Variants in ZNF536 observed in about 807,000 individuals in gnomAD.
ZNF536 encodes the protein zinc finger protein 536.
ZNF536 carries 13 observed loss-of-function variants against 84.5 expected under a neutral mutation model. That is an observed-to-expected ratio of 0.15 (90% CI 0.10 to 0.24). The LOEUF is 0.24. Among genes scored for constraint, ZNF536 ranks in the 10% least tolerant of loss-of-function variants. ZNF536 has a pLI of 1.00. For synonymous variants in ZNF536, 811 were observed against 742.5 expected (o/e 1.09, Z -1.50); for missense variants, 1,536 against 1,747.5 (o/e 0.88, Z 2.16).
At chr19:30,383,915 TTTCCCTTCCCTTCCC>T (rs1322639290) in intron 1 of ZNF536, among the ~76,000 whole-genome samples, 1 of 33,340 alleles carries the variant, frequency 3.0e-5, no homozygotes, top group South Asian at 2.2e-3. Flanking sequence ...CCTTTCTTCC[TTTCCCTTCCCTTCCC>T]TTCCCTTCCC....
At chr19:30,328,383 G>A (rs2047104733) in intron 2 of ZNF536, among the ~76,000 whole-genome samples, 1 of 152,170 alleles carries the variant, frequency 6.6e-6, no homozygotes. Context: ...CAAAAGCTCT[G>A]CAGCCCCTGA....
At position 30,608,467 on chromosome 19, in the gene ZNF536, G is replaced by A. The variant is rs190884288; in HGVS notation, c.169+58953G>A. Among the ~76,000 whole-genome samples, 6 of 152,232 alleles carry A rather than the reference G, an allele frequency of 3.9e-5. No homozygotes were observed. The East Asian group carries it at 9.7e-4, about 25-fold the overall frequency. On this transcript the variant is annotated intron_variant, in intron 1 of 1. Coordinates refer to the ZNF536 transcript ENST00000592773. ...ACCAAAATGAGAGCTTTCTGGACACGAATCCACCAGAACTTTAGCCTGGAC... is the reference window on the plus strand; with the variant it reads ...ACCAAAATGAGAGCTTTCTGGACACAAATCCACCAGAACTTTAGCCTGGAC...
At chr19:30,312,321 C>T (rs1327578131) in intron 2 of ZNF536, among the ~76,000 whole-genome samples, 8 of 151,996 alleles carry the variant, frequency 5.3e-5, no homozygotes, top group South Asian at 2.1e-4. Context: ...AAGAGGGGGA[C>T]GCGCCACAAC....
intron 1 of ZNF536, among the ~76,000 whole-genome samples, chr19:30,600,068 G>C (rs1350247246): frequency 6.6e-6 from 1 of 150,578 alleles, no homozygotes; most frequent in African/African-American, 2.4e-5. Context: ...TGTTGTTGTT[G>C]TTTTTTGTTT....
At chr19:30,271,294 CTTTTCTTTTT>C (rs1373151856) in intron 1 of ZNF536, among the ~76,000 whole-genome samples, 7 of 103,186 alleles carry the variant, frequency 6.8e-5, no homozygotes, top group South Asian at 6.5e-4. Flanking sequence ...GTGTTTTTTT[CTTTTCTTTTT>C]TTTTTTTTTT....
intron 1 of ZNF536, among the ~76,000 whole-genome samples, chr19:30,427,136 T>C (rs2051250232): frequency 6.6e-6 from 1 of 152,188 alleles, no homozygotes; most frequent in Non-Finnish European, 1.5e-5. Flanking sequence ...TGTTTACCTA[T>C]CTGTAAAATG....
chr19:30,367,715 G>T (rs779240382), upstream of ZNF536, among the ~76,000 whole-genome samples: 1 of 152,212 alleles, frequency 6.6e-6, no homozygotes, highest in Non-Finnish European at 1.5e-5. Flanking sequence ...GCAGCGCAGT[G>T]AGACATGAGA....
Position 30,437,356 on chromosome 19 carries a change from C to CA in ZNF536, c.-2-6201dup, listed in dbSNP as rs1166337376. 2.0e-5 allele frequency among the ~76,000 whole-genome samples: 3 copies of CA among 152,230 alleles called. No individual in the cohort carries two copies. In the East Asian group the frequency reaches 5.8e-4, roughly 29 times the overall value. On this transcript the variant is annotated intron_variant, in intron 1 of 4. Transcript: ENST00000355537. ...GGAAATAGTCTTGAAGGCAGAAATG[C>CA]AAAATCAAAATAACCATTAGCACCA...
At chr19:30,618,269 T>G (rs1291477639) in intron 1 of ZNF536, among the ~76,000 whole-genome samples, 1 of 152,210 alleles carries the variant, frequency 6.6e-6, no homozygotes, top group Non-Finnish European at 1.5e-5. Context: ...ACACCTGCCT[T>G]AAATTTAAAC....
intron 1 of ZNF536, among the ~76,000 whole-genome samples, chr19:30,587,328 C>G (rs755866264): frequency 1.3e-5 from 2 of 152,194 alleles, no homozygotes; most frequent in African/African-American, 2.4e-5. Context: ...GATCTATTCT[C>G]AGAAGGGTTT....
chr19:30,387,930 G>A (rs1439313490), intron 1 of ZNF536, among the ~76,000 whole-genome samples: 2 of 152,194 alleles, frequency 1.3e-5, no homozygotes, highest in Admixed American at 6.5e-5. Flanking sequence ...GGGCCCTGGA[G>A]GGGGCTGTGT....
chr19:30,570,451 G>A (rs2146540660), intron 1 of ZNF536, among the ~76,000 whole-genome samples: 1 of 152,286 alleles, frequency 6.6e-6, no homozygotes, highest in South Asian at 2.1e-4. Flanking sequence ...GTGATAGCAA[G>A]CCCACGTTGT....
chr19:30,375,613 G>A (rs145395548), intron 1 of ZNF536, among the ~76,000 whole-genome samples: 2,693 of 152,338 alleles, frequency 0.018, 36 homozygotes, highest in South Asian at 0.036. Context: ...CTGTGTGGGG[G>A]TAGGGGCAGG....
At chr19:30,595,999 C>T (rs2146858639) in intron 1 of ZNF536, among the ~76,000 whole-genome samples, 1 of 152,274 alleles carries the variant, frequency 6.6e-6, no homozygotes, top group Admixed American at 6.5e-5. Context: ...ATGGACCCCT[C>T]ACTTTAAGGC....
At position 30,585,333 on chromosome 19, in the gene ZNF536, C is replaced by A. The variant is rs144713885; in HGVS notation, c.169+35819C>A. On this transcript the variant is annotated intron_variant, in intron 1 of 1. Transcript: ENST00000592773. ...TTCTAGGTCCTGGCACAGTGCCTGG[C>A]ACAGAGTAGATTCTCAAAATATTGT... 5.9e-5 allele frequency among the ~76,000 whole-genome samples: 9 copies of A among 152,206 alleles called. No individual in the cohort carries two copies. In the East Asian group the frequency reaches 1.7e-3, roughly 30 times the overall value.
chr19:30,398,762 C>T (rs2049927162), intron 1 of ZNF536, among the ~76,000 whole-genome samples: 1 of 152,188 alleles, frequency 6.6e-6, no homozygotes, highest in Non-Finnish European at 1.5e-5. Flanking sequence ...TTTTTTATGG[C>T]TGCATAGTAT....
At chr19:30,661,419 ATAATGGATTTG>A (rs1321825497) in intron 1 of ZNF536, among the ~76,000 whole-genome samples, 2 of 152,218 alleles carry the variant, frequency 1.3e-5, no homozygotes, top group Non-Finnish European at 2.9e-5. Context: ...AAAGGCTGGT[ATAATGGATTTG>A]TAACACATCC....
intron 1 of ZNF536, among the ~76,000 whole-genome samples, chr19:30,709,587 C>T (rs565927260): frequency 2.0e-5 from 3 of 152,256 alleles, no homozygotes; most frequent in East Asian, 1.9e-4. Flanking sequence ...AAGTGTAGCT[C>T]GTGGACAAAA....
chr19:30,481,270 A>G (rs1027719642), intron 2 of ZNF536, among the ~76,000 whole-genome samples: 1 of 152,202 alleles, frequency 6.6e-6, no homozygotes, highest in Non-Finnish European at 1.5e-5. Context: ...ACTTGTATGT[A>G]CATACATGCG....
Sources: allele counts gnomAD v4.1 joint callset (sites outside exome capture counted in the v4.1 genomes callset), GRCh38; gene constraint gnomAD v4.1.1; transcripts MANE v1.5; gene names NCBI Gene and HGNC (gene_info 2026-07-23, HGNC 2026-07-21).